The following PLCE1 variants were observed in gnomAD, a reference collection of about 807,000 sequenced individuals.
PLCE1 encodes 1-phosphatidylinositol 4,5-bisphosphate phosphodiesterase epsilon-1.
PLCE1 carries 119 observed loss-of-function variants against 242.8 expected under a neutral mutation model. The ratio of observed to expected loss-of-function variants is 0.49; its 90% CI spans 0.42 to 0.57. The LOEUF (loss-of-function observed/expected upper bound fraction) is 0.57, where lower values mean the gene tolerates loss of function less well. PLCE1 is among the 20% of genes least tolerant of loss of function. The pLI, the probability that PLCE1 is intolerant of heterozygous loss-of-function variation, is 0.00. For synonymous variants in PLCE1, 945 were observed against 1,017.4 expected, an observed-to-expected ratio of 0.93 and a Z score of 1.35; for missense variants, 2,441 against 2,788.8, an observed-to-expected ratio of 0.88 and a Z score of 2.81.
chr10:94,306,975 G>C lies in PLCE1; in HGVS notation c.5884+287G>C, dbSNP rs548619692. Among the ~76,000 whole-genome samples, 25 of 152,274 alleles carry C rather than the reference G, an allele frequency of 1.6e-4. No homozygotes were observed. The highest frequency in any genetic ancestry group is 9.2e-4 in the Admixed American group (14 of 15,298). ...GGTTGTTGCTACCCACGGCACTGCT[G>C]GCAGTTTGAAAGCAGGGATTGAAAT... On this transcript the variant is annotated intron_variant, in intron 26 of 32. Transcript: ENST00000371380. This position sits in a 1 kb window ranked among gnomAD's most constrained non-coding sequence, Gnocchi z 5.7.
intron 2 of PLCE1, among the ~76,000 whole-genome samples, chr10:94,069,265 A>T (rs56406227): frequency 0.39 from 59,658 of 152,056 alleles, 14,638 homozygotes; most frequent in African/African-American, 0.7. Context: ...GGCAAAATAT[A>T]GGTTCAATTC....
chr10:94,209,534 T>A (rs186756123), intron 4 of PLCE1, among the ~76,000 whole-genome samples: 5 of 152,296 alleles, frequency 3.3e-5, no homozygotes, highest in Admixed American at 1.3e-4. Context: ...CATAAAAATA[T>A]CCTTTACAAA....
At chr10:94,169,303 A>G (rs1217092187) in intron 3 of PLCE1, among the ~76,000 whole-genome samples, 2 of 152,186 alleles carry the variant, frequency 1.3e-5, no homozygotes, top group African/African-American at 4.8e-5. Flanking sequence ...AGAGGTTTGG[A>G]GTTTAAAGGA....
chr10:94,313,447 A>T, intron 28 of PLCE1, 65 bp downstream of exon 28: 1 of 1,577,802 alleles, frequency 6.3e-7, no homozygotes, highest in Non-Finnish European at 8.7e-7. Context: ...ATGTGTGTGT[A>T]TAAATGCCTG....
At chr10:94,174,811 A>G (rs12268995) in intron 4 of PLCE1, among the ~76,000 whole-genome samples, 12,842 of 152,222 alleles carry the variant, frequency 0.084, 998 homozygotes, top group African/African-American at 0.21. Context: ...AGACATGACG[A>G]CTAAATGCAG....
intron 2 of PLCE1, among the ~76,000 whole-genome samples, chr10:94,057,892 C>CT (rs1281847553): frequency 6.6e-6 from 1 of 152,162 alleles, no homozygotes; most frequent in Non-Finnish European, 1.5e-5. Context: ...CCTTCTCCTA[C>CT]TTTCTATTCA....
At chr10:94,148,564 T>C (rs1304642657) in intron 3 of PLCE1, among the ~76,000 whole-genome samples, 1 of 152,154 alleles carries the variant, frequency 6.6e-6, no homozygotes, top group Non-Finnish European at 1.5e-5. Flanking sequence ...CCTAGTTCAG[T>C]TGGATCATGC....
intron 4 of PLCE1, among the ~76,000 whole-genome samples, chr10:94,215,522 T>C (rs1424535125): frequency 6.6e-6 from 1 of 152,054 alleles, no homozygotes; most frequent in African/African-American, 2.4e-5. Context: ...GACGGCCTCC[T>C]GGAGAACATG....
intron 2 of PLCE1, among the ~76,000 whole-genome samples, chr10:94,068,430 A>G (rs571542779): frequency 4.7e-4 from 72 of 152,330 alleles, no homozygotes; most frequent in African/African-American, 1.7e-3. Context: ...AAACAATGCA[A>G]CATAACTATT....
chr10:94,269,292 G>A (rs2051635607), intron 17 of PLCE1, among the ~76,000 whole-genome samples: 1 of 151,616 alleles, frequency 6.6e-6, no homozygotes, highest in East Asian at 1.9e-4. Flanking sequence ...AGTAGAGATG[G>A]GGTTTCACCA....
intron 5 of PLCE1, among the ~76,000 whole-genome samples, chr10:94,229,328 T>C (rs147308617): frequency 6.6e-6 from 1 of 152,260 alleles, no homozygotes; most frequent in Non-Finnish European, 1.5e-5. Flanking sequence ...GTGCTGGCTG[T>C]TGGCCAGGGA....
intron 1 of PLCE1, among the ~76,000 whole-genome samples, chr10:94,004,682 C>CT (rs2061000816): frequency 6.6e-6 from 1 of 152,138 alleles, no homozygotes; most frequent in African/African-American, 2.4e-5. Flanking sequence ...CAATTTTGGA[C>CT]TTTTTTTCAA....
intron 2 of PLCE1, among the ~76,000 whole-genome samples, chr10:94,080,015 G>A (rs951639129): frequency 6.6e-6 from 1 of 152,154 alleles, no homozygotes; most frequent in Non-Finnish European, 1.5e-5. Flanking sequence ...ACTGTGTGCA[G>A]GACAGTTAAC....
At chr10:94,044,085 C>T (rs529156494) in intron 2 of PLCE1, among the ~76,000 whole-genome samples, 1 of 152,304 alleles carries the variant, frequency 6.6e-6, no homozygotes, top group African/African-American at 2.4e-5. Context: ...CAAAGAATCA[C>T]CATCTACATG....
In PLCE1 at chr10:94,313,358, C is replaced by G; in HGVS notation, c.6108C>G (p.Thr2036=). 1.9e-6 allele frequency: 3 copies of G among 1,614,116 alleles called. No homozygotes were observed. The highest frequency in any genetic ancestry group is 1.1e-5 in the South Asian group (1 of 91,086). The change falls in exon 28 of 33, where the codon ACC becomes ACG. Residue 2036 remains threonine, a synonymous_variant. Coordinates refer to ENST00000371380, the MANE Select transcript of PLCE1 (RefSeq NM_016341.4). ...PFTVFTINGG[T]KAKQLLQQIL... is the part of the protein sequence containing the mutation. Reference sequence around the variant, plus strand: ...CCGTTTTCACTATTAATGGAGGCACCAAGGCAAAGCAGCTTCTGCAGCAAG... The same window carrying G: ...CCGTTTTCACTATTAATGGAGGCACGAAGGCAAAGCAGCTTCTGCAGCAAG...
chr10:94,293,475 T>C, intron 22 of PLCE1, 33 bp from the exon 23 acceptor site: 1 of 1,610,028 alleles, frequency 6.2e-7, no homozygotes, highest in Non-Finnish European at 8.5e-7. Flanking sequence ...GCTTGTAGTT[T>C]TTGGCTTATT....
intron 2 of PLCE1, chr10:94,096,590 C>G (rs1267576499): frequency 6.6e-6 from 1 of 152,160 alleles, no homozygotes; most frequent in Non-Finnish European, 1.5e-5. Context: ...CCCACCAGGT[C>G]CCTCCCAAGA....
rs185270396 is a variant in PLCE1 at position 94,316,493 on chromosome 10, G to T, written c.6133-54G>T. 886 of 1,123,460 alleles carry T rather than the reference G, an allele frequency of 7.9e-4. No homozygotes were observed. The African/African-American group carries it at 0.013, about 16-fold the overall frequency. 69.6% of individuals were successfully genotyped at this position (1,123,460 alleles called of 1,614,324 possible). ...AACCTATCTGAACACCATGAAAGTT[G>T]ATTTGTTTTAAGTTTTTGCCTCACT... On this transcript the variant is annotated intron_variant, in intron 28 of 32. Transcript: ENST00000371380.
At chr10:94,116,909 A>G (rs2046149891) in intron 2 of PLCE1, among the ~76,000 whole-genome samples, 1 of 152,080 alleles carries the variant, frequency 6.6e-6, no homozygotes, top group South Asian at 2.1e-4. Context: ...AGAAAAGACA[A>G]AGAGTTTCTG....
Sources: allele counts gnomAD v4.1 joint callset (sites outside exome capture counted in the v4.1 genomes callset), GRCh38; gene constraint gnomAD v4.1.1; non-coding constraint Gnocchi (gnomAD v3.1); transcripts MANE v1.5; gene names NCBI Gene and HGNC (gene_info 2026-07-23, HGNC 2026-07-21).